CYRIB: variants seen among roughly 807,000 people sequenced by gnomAD.
The protein encoded by CYRIB is CYFIP related Rac1 interactor B, also known as CYFIP-related Rac1 interactor B.
CYRIB carries 8 observed loss-of-function variants against 44.2 expected under a neutral mutation model. The ratio of observed to expected loss-of-function variants is 0.18; its 90% CI spans 0.11 to 0.33. The LOEUF is 0.33. CYRIB is among the 10% of genes least tolerant of loss of function. The pLI, the probability that CYRIB is intolerant of heterozygous loss-of-function variation, is 1.00. For missense variants in CYRIB, 185 were observed against 382.8 expected, an observed-to-expected ratio of 0.48 and a Z score of 4.31; for synonymous variants, 131 against 127.2, an observed-to-expected ratio of 1.03 and a Z score of -0.20.
At chr8:129,964,885 G>A (rs2095413551) in intron 2 of CYRIB, among the ~76,000 whole-genome samples, 1 of 152,166 alleles carries the variant, frequency 6.6e-6, no homozygotes, top group South Asian at 2.1e-4. Context: ...AAAGAAAAAG[G>A]AAAAGAAAAT....
chr8:129,933,132 A>G (rs2091992360), intron 1 of CYRIB, among the ~76,000 whole-genome samples: 1 of 152,214 alleles, frequency 6.6e-6, no homozygotes, highest in South Asian at 2.1e-4. Flanking sequence ...CTTGCTGCCA[A>G]CTACAGAGCT....
chr8:129,990,462 G>A (rs1202183515), intron 1 of CYRIB, among the ~76,000 whole-genome samples: 1 of 144,818 alleles, frequency 6.9e-6, no homozygotes, highest in Non-Finnish European at 1.6e-5. Flanking sequence ...GAACAATACG[G>A]TGTGTGTGTG....
intron 5 of CYRIB, among the ~76,000 whole-genome samples, chr8:129,860,144 G>A (rs1231119755): frequency 6.6e-6 from 1 of 152,156 alleles, no homozygotes; most frequent in African/African-American, 2.4e-5. Context: ...CTGCTCCATG[G>A]TGCTGTTTGT....
At chr8:129,936,101 G>T (rs2092742302) in intron 1 of CYRIB, among the ~76,000 whole-genome samples, 1 of 151,956 alleles carries the variant, frequency 6.6e-6, no homozygotes, top group South Asian at 2.1e-4. Context: ...AGCTGAAAAA[G>T]AAAAAGTTTT....
chr8:129,909,681 TAGA>T (rs150835758), intron 1 of CYRIB, among the ~76,000 whole-genome samples: 2,335 of 152,322 alleles, frequency 0.015, 52 homozygotes, highest in African/African-American at 0.049. Flanking sequence ...TTTGTGAGAT[TAGA>T]AGAAGTTATC....
chr8:130,004,040 C>T (rs973297417), intron 1 of CYRIB, among the ~76,000 whole-genome samples: 16 of 152,124 alleles, frequency 1.1e-4, no homozygotes, highest in African/African-American at 3.9e-4. Flanking sequence ...TTATTTTGGC[C>T]TCACCAGGTC....
intron 1 of CYRIB, among the ~76,000 whole-genome samples, chr8:129,912,756 G>C (rs1468082987): frequency 1.3e-5 from 2 of 151,536 alleles, no homozygotes; most frequent in Non-Finnish European, 2.9e-5. Flanking sequence ...AATTCTATAT[G>C]ATAATCAACA....
chr8:129,849,448 T>C, intron 9 of CYRIB, 79 bp from the exon 12 acceptor site: 2 of 1,365,016 alleles, frequency 1.5e-6, no homozygotes, highest in Admixed American at 2.6e-5. Flanking sequence ...AAGAAAAACC[T>C]CTTCTGAAAT....
intron 5 of CYRIB, among the ~76,000 whole-genome samples, chr8:129,856,104 T>C (rs1486102461): frequency 6.6e-6 from 1 of 152,228 alleles, no homozygotes; most frequent in East Asian, 1.9e-4. Flanking sequence ...TATGAAATGG[T>C]AACTATTATC....
chr8:129,896,710 C>T (rs1161304011), intron 2 of CYRIB: 1 of 152,224 alleles, frequency 6.6e-6, no homozygotes, highest in Non-Finnish European at 1.5e-5. Context: ...CTTCCAGTCA[C>T]CAAACAGCAG....
chr8:129,869,383 A>G (rs1465549692), intron 4 of CYRIB, among the ~76,000 whole-genome samples: 1 of 135,156 alleles, frequency 7.4e-6, no homozygotes, highest in African/African-American at 3.0e-5. Flanking sequence ...CTCTGCCTCA[A>G]AAAAAAAAAA....
At chr8:129,862,056 G>T (rs2050035128) in intron 5 of CYRIB, among the ~76,000 whole-genome samples, 173 bp downstream of exon 7, 1 of 152,124 alleles carries the variant, frequency 6.6e-6, no homozygotes, top group Admixed American at 6.6e-5. Flanking sequence ...GAATTAAAAG[G>T]CCAGGGTTGA....
chr8:129,897,518 G>A (rs968033415), intron 2 of CYRIB, among the ~76,000 whole-genome samples: 18 of 150,504 alleles, frequency 1.2e-4, no homozygotes, highest in Non-Finnish European at 2.4e-4. Flanking sequence ...GTCAAATGAG[G>A]TCAAAATAAA....
At chr8:129,941,329 AG>A (rs957276475), upstream of CYRIB, among the ~76,000 whole-genome samples, 5 of 139,776 alleles carry the variant, frequency 3.6e-5, no homozygotes, top group African/African-American at 1.3e-4. Context: ...GCTGGAGTAC[AG>A]TGGCGCGATA....
At chr8:129,972,593 C>T (rs530574777) in intron 1 of CYRIB, among the ~76,000 whole-genome samples, 1 of 152,096 alleles carries the variant, frequency 6.6e-6, no homozygotes, top group East Asian at 1.9e-4. Flanking sequence ...AAAAAAAGAA[C>T]CATCTAAGCA....
intron 2 of CYRIB, among the ~76,000 whole-genome samples, chr8:129,893,859 C>T (rs977279079): frequency 2.7e-5 from 4 of 150,208 alleles, no homozygotes; most frequent in African/African-American, 9.8e-5. Flanking sequence ...GCATGGTTTC[C>T]TTGCCAAACA....
intron 5 of CYRIB, among the ~76,000 whole-genome samples, chr8:129,857,400 G>T (rs2046771898): frequency 6.6e-6 from 1 of 152,202 alleles, no homozygotes; most frequent in African/African-American, 2.4e-5. Flanking sequence ...CAGAAAGGCA[G>T]GAAGCCAGAC....
intron 10 of CYRIB, among the ~76,000 whole-genome samples, chr8:129,848,322 G>T (rs1048469813): frequency 2.0e-5 from 3 of 152,138 alleles, no homozygotes; most frequent in African/African-American, 7.2e-5. Context: ...ATCGAGATCC[G>T]AAATGCTAAG....
At chr8:129,966,730 G>T (rs1345290605) in intron 2 of CYRIB, among the ~76,000 whole-genome samples, 2 of 151,960 alleles carry the variant, frequency 1.3e-5, no homozygotes, top group Admixed American at 6.6e-5. Context: ...TTTAGATAGG[G>T]CCTCACTCCA....
Sources: gnomAD v4.1 joint callset for allele counts (sites outside exome capture counted in the v4.1 genomes callset) on GRCh38, gnomAD v4.1.1 for gene constraint, MANE v1.5 for transcripts, NCBI Gene and HGNC (gene_info 2026-07-23, HGNC 2026-07-21) for gene names.